Variants in TANC2 observed in about 807,000 individuals in gnomAD.
TANC2 encodes the protein protein TANC2.
Under a neutral mutation model 210.5 loss-of-function variants are expected in TANC2, and 26 were observed. The ratio of observed to expected loss-of-function variants is 0.12; its 90% CI spans 0.09 to 0.17. The LOEUF is 0.17. Among genes scored for constraint, TANC2 ranks in the 10% least tolerant of loss-of-function variants. The pLI, the probability that TANC2 is intolerant of heterozygous loss-of-function variation, is 1.00. For missense variants in TANC2, 2,129 were observed against 2,608.9 expected (o/e 0.82, Z 4.01); for synonymous variants, 931 against 967.1 (o/e 0.96, Z 0.69).
exon 8 of TANC2, chr17:63,237,985 A>G (rs1290562918): frequency 2.5e-6 from 4 of 1,580,950 alleles, no homozygotes; most frequent in Admixed American, 1.8e-5. Context: ...TATAGTCTGA[A>G]TAAGATCCCA....
intron 5 of TANC2, among the ~76,000 whole-genome samples, chr17:63,190,444 A>T (rs1040505612): frequency 1.3e-5 from 2 of 152,204 alleles, no homozygotes; most frequent in African/African-American, 4.8e-5. Flanking sequence ...GCCTTGATTA[A>T]TGTTGCGTTG....
chr17:63,361,080 G>C lies in TANC2; in HGVS notation c.2582+5690G>C, dbSNP rs948070387. On this transcript the variant is annotated intron_variant, in intron 14 of 27. Transcript: ENST00000689528. ...CTTAAGTTACTTCCAAATCTTGGCT[G>C]TTGTGAGTAGTGCTGTAACAAACAT... 7.2e-5 allele frequency among the ~76,000 whole-genome samples: 11 copies of C among 152,318 alleles called. No individual in the cohort carries two copies. The South Asian group carries it at 1.2e-3, about 17-fold the overall frequency.
intron 4 of TANC2, among the ~76,000 whole-genome samples, chr17:63,099,587 T>G (rs1208577174): frequency 5.9e-5 from 9 of 152,178 alleles, no homozygotes; most frequent in Non-Finnish European, 1.0e-4. Flanking sequence ...ACCCATCTGT[T>G]GTGAACATAT....
rs117018269 is a variant in TANC2, at chr17:63,336,095, G to T, written c.1576-4006G>T. The stretch of plus-strand genomic sequence containing the variant: ...AATTGAGGGACTAAGAGAAAAGGAA[G>T]AGAGAGTTGTTATTTATGGTGAGCC... On this transcript the variant is annotated intron_variant, in intron 11 of 27. Coordinates refer to ENST00000689528, the Ensembl canonical transcript of TANC2. Among the ~76,000 whole-genome samples the T allele has an allele frequency of 5.8e-3, 885 of 152,288 alleles. 4 individuals are homozygous for T. Among genetic ancestry groups the T allele is most frequent in the Non-Finnish European group, 7.5e-3 (508 of 68,020 alleles).
At position 63,421,649 on chromosome 17, in the gene TANC2, G is replaced by A; in HGVS notation, c.5919G>A (p.Glu1973=). 1 of 1,614,058 alleles carries A rather than the reference G, an allele frequency of 6.2e-7. No homozygotes were observed. Among genetic ancestry groups the A allele is most frequent in the Non-Finnish European group, 8.5e-7 (1 of 1,179,914 alleles). ...CTCCAGGCAACCTGCCTCAGCCTGA[G>A]TCCTTCAGTCCACCATCATCCATCA... The change falls in exon 28 of 28, where the codon GAG becomes GAA. Residue 1973 remains glutamate, a synonymous_variant. Transcript: ENST00000689528. This position sits in a 1 kb window ranked among gnomAD's most constrained non-coding sequence, Gnocchi z 6.9.
At chr17:63,307,731 C>G (rs190348584) in intron 9 of TANC2, among the ~76,000 whole-genome samples, 65 of 151,384 alleles carry the variant, frequency 4.3e-4, no homozygotes, top group African/African-American at 1.5e-3. Flanking sequence ...TGGGCATACT[C>G]TAATGTATCC....
chr17:63,387,849 C>G (rs954491334), intron 15 of TANC2: 2 of 152,248 alleles, frequency 1.3e-5, no homozygotes, highest in Non-Finnish European at 2.9e-5. Flanking sequence ...GGATGGAAAT[C>G]AAGCCTGTAT....
chr17:63,313,198 T>C (rs1331872786), intron 9 of TANC2: 1 of 152,190 alleles, frequency 6.6e-6, no homozygotes, highest in South Asian at 2.1e-4. Context: ...ATTTGAAAAA[T>C]GGAGTTAGAG....
intron 1 of TANC2, among the ~76,000 whole-genome samples, chr17:62,979,788 G>T (rs1440688158): frequency 6.6e-6 from 1 of 152,190 alleles, no homozygotes; most frequent in Non-Finnish European, 1.5e-5. Context: ...GCACATGCCT[G>T]TGGTCCCAGC....
chr17:63,032,484 A>G (rs74747063), intron 2 of TANC2, among the ~76,000 whole-genome samples: 118 of 152,254 alleles, frequency 7.8e-4, no homozygotes, highest in African/African-American at 2.8e-3. Flanking sequence ...ATGACATGCC[A>G]TCTGTAGGAG....
At chr17:63,056,900 T>C (rs2035826419) in intron 2 of TANC2, among the ~76,000 whole-genome samples, 1 of 152,230 alleles carries the variant, frequency 6.6e-6, no homozygotes, top group African/African-American at 2.4e-5. Context: ...TTTTCCCTTT[T>C]ATTGTTTAGG....
At chr17:63,337,074 A>C (rs539162234) in intron 11 of TANC2, among the ~76,000 whole-genome samples, 2 of 152,336 alleles carry the variant, frequency 1.3e-5, no homozygotes, top group South Asian at 4.1e-4. Context: ...AGGAAGTAAC[A>C]GATGTTTTTG....
chr17:63,312,799 G>GTA (rs1185991380), intron 9 of TANC2, among the ~76,000 whole-genome samples: 1 of 152,136 alleles, frequency 6.6e-6, no homozygotes, highest in African/African-American at 2.4e-5. Flanking sequence ...AAGTGACCCT[G>GTA]TAGCTTTATC....
chr17:63,000,522 T>C (rs1236647856), intron 1 of TANC2, among the ~76,000 whole-genome samples: 1 of 152,190 alleles, frequency 6.6e-6, no homozygotes, highest in Non-Finnish European at 1.5e-5. Flanking sequence ...AAGTCATTAC[T>C]TCTCCTGAAT....
chr17:63,421,439 A>G lies in TANC2; in HGVS notation c.5709A>G (p.Ser1903=). Residue 1903 remains serine (S), a synonymous_variant, in exon 28 of 28, where the codon TCA becomes TCG. Coordinates refer to ENST00000689528, the Ensembl canonical transcript of TANC2. The surrounding 1 kb of genome is among the most constrained non-coding windows in gnomAD (Gnocchi z 6.9). ...CACTGAAACCTGCATATGAGAGGTC[A>G]TGTGACGAGCTGTCGCCAGTGTCTC... The G allele has an allele frequency of 6.2e-7, 1 of 1,614,002 alleles. No individual in the cohort carries two copies. The highest frequency in any genetic ancestry group is 8.5e-7 in the Non-Finnish European group (1 of 1,179,894).
intron 21 of TANC2, among the ~76,000 whole-genome samples, chr17:63,409,828 G>A (rs1363503083): frequency 6.6e-6 from 1 of 152,224 alleles, no homozygotes; most frequent in Non-Finnish European, 1.5e-5. Flanking sequence ...ATGTTTTGAT[G>A]CAGGCTGTAT....
At chr17:62,982,670 C>T (rs1175707781) in intron 1 of TANC2, among the ~76,000 whole-genome samples, 1 of 152,196 alleles carries the variant, frequency 6.6e-6, no homozygotes, top group Non-Finnish European at 1.5e-5. Context: ...CCCACTAGGA[C>T]CTCTAATGCG....
chr17:62,992,730 T>G (rs566861717), intron 1 of TANC2, among the ~76,000 whole-genome samples: 5 of 152,358 alleles, frequency 3.3e-5, no homozygotes, highest in African/African-American at 1.2e-4. Context: ...GACATTGTTA[T>G]ATGCTTCTGT....
At chr17:63,041,257 A>G (rs2035175702) in intron 2 of TANC2, among the ~76,000 whole-genome samples, 1 of 152,204 alleles carries the variant, frequency 6.6e-6, no homozygotes, top group South Asian at 2.1e-4. Context: ...CAAAAGAGTA[A>G]TGTGAGATTT....
Sources: allele counts gnomAD v4.1 joint callset (sites outside exome capture counted in the v4.1 genomes callset), GRCh38; gene constraint gnomAD v4.1.1; non-coding constraint Gnocchi (gnomAD v3.1); transcripts MANE v1.5; gene names NCBI Gene and HGNC (gene_info 2026-07-23, HGNC 2026-07-21).